Variants in CYFIP1 observed in about 807,000 individuals in gnomAD.
The protein encoded by CYFIP1 is cytoplasmic FMR1-interacting protein 1.
Under a neutral mutation model 163.5 loss-of-function variants are expected in CYFIP1, and 58 were observed. The ratio of observed to expected loss-of-function variants is 0.35; its 90% CI spans 0.29 to 0.44. CYFIP1 has a LOEUF of 0.44. Among genes scored for constraint, CYFIP1 ranks in the 20% least tolerant of loss-of-function variants. The pLI is 1.00. For synonymous variants in CYFIP1, 663 were observed against 660.7 expected (o/e 1.00, Z -0.05); for missense variants, 1,338 against 1,653.8 (o/e 0.81, Z 3.31).
intron 30 of CYFIP1, among the ~76,000 whole-genome samples, chr15:22,871,902 T>G (rs1230378210): frequency 6.6e-6 from 1 of 152,156 alleles, no homozygotes; most frequent in Non-Finnish European, 1.5e-5. Flanking sequence ...CAGCTGGGCC[T>G]GGCTGAACTC....
chr15:22,870,138 T>C lies in CYFIP1; in HGVS notation c.3652A>G (p.Ile1218Val), dbSNP rs2059386165. 1.2e-6 allele frequency: 2 copies of C among 1,612,864 alleles called. No homozygotes were observed. The highest frequency in any genetic ancestry group is 1.1e-5 in the South Asian group (1 of 90,756). The change falls in exon 31 of 31, where the codon ATC becomes GTC. Residue 1218 changes from isoleucine (I) to valine (V), a missense_variant. Physicochemically the swap from Ile to Val is conservative, Grantham distance 29. Coordinates refer to ENST00000617928, the MANE Select transcript of CYFIP1 (RefSeq NM_014608.6). The stretch of plus-strand genomic sequence containing the variant: ...AGGTACTTATCCAGGATGGTGATGA[T>C]CTCATCATTGAGAATCTGGAACTTG... ...IRKFQILNDE[I>V]ITILDKYLKS...
At chr15:22,908,663 G>C (rs140290947) in intron 21 of CYFIP1, among the ~76,000 whole-genome samples, 3,534 of 150,636 alleles carry the variant, frequency 0.023, 59 homozygotes, top group Middle Eastern at 0.071. Context: ...GGAGTAGCTC[G>C]GACTACAGGT....
chr15:22,965,583 C>T (rs1256441646), intron 1 of CYFIP1, among the ~76,000 whole-genome samples: 2 of 152,210 alleles, frequency 1.3e-5, no homozygotes, highest in Non-Finnish European at 2.9e-5. Flanking sequence ...TGTAAGTGCC[C>T]TTTATGATGC....
At chr15:22,956,559 G>A (rs946641624) in intron 1 of CYFIP1, among the ~76,000 whole-genome samples, 8 of 152,174 alleles carry the variant, frequency 5.3e-5, no homozygotes, top group Admixed American at 2.6e-4. Flanking sequence ...AGGCCCCGTG[G>A]GAAACCGGCC....
In CYFIP1 at chr15:22,873,505, G is replaced by C; in HGVS notation, c.3435C>G (p.His1145Gln). ...QFVYCIPVGT[H>Q]EFTVEQCFGD... ...CACACACTTACTCGACTGTGAACTC[G>C]TGTGTCCCCACGGGAATGCAGTAGA... The change falls in exon 29 of 31, where the codon CAC (histidine) becomes CAG (glutamine). Residue 1145 changes from histidine (H) to glutamine (Q), a missense_variant. Coordinates refer to ENST00000617928, the MANE Select transcript of CYFIP1 (RefSeq NM_014608.6). The C allele has an allele frequency of 6.2e-7, 1 of 1,613,508 alleles. No individual in the cohort carries two copies. Among genetic ancestry groups the C allele is most frequent in the Non-Finnish European group, 8.5e-7 (1 of 1,179,520 alleles).
chr15:22,975,235 G>A (rs557829955), intron 1 of CYFIP1, among the ~76,000 whole-genome samples: 71 of 152,028 alleles, frequency 4.7e-4, no homozygotes, highest in Non-Finnish European at 7.8e-4. Flanking sequence ...GGGAAGTCAC[G>A]TAGTTTTAAC....
intron 13 of CYFIP1, 28 bp from the exon 14 acceptor site, chr15:22,918,886 C>A (rs1474286045): frequency 1.9e-6 from 3 of 1,552,890 alleles, no homozygotes; most frequent in Non-Finnish European, 2.6e-6. Context: ...ACAGGGACGG[C>A]CCTTCTTAGG....
chr15:22,949,604 T>C (rs1049620832), intron 1 of CYFIP1, among the ~76,000 whole-genome samples: 1 of 152,186 alleles, frequency 6.6e-6, no homozygotes, highest in African/African-American at 2.4e-5. Context: ...CTAATGGGCC[T>C]TTCAGTGTAC....
chr15:22,896,499 C>T (rs191619747), intron 22 of CYFIP1, among the ~76,000 whole-genome samples: 1 of 151,908 alleles, frequency 6.6e-6, no homozygotes, highest in Admixed American at 6.6e-5. Flanking sequence ...TTTGCTGAGG[C>T]CCTTCTCGTT....
At chr15:22,905,555 C>T (rs938765001) in intron 21 of CYFIP1, 12 of 150,468 alleles carry the variant, frequency 8.0e-5, no homozygotes, top group Admixed American at 1.3e-4. Context: ...TCCCCTGCCT[C>T]AGCATCCCGA....
At chr15:22,956,944 CT>C (rs1396035867) in intron 1 of CYFIP1, among the ~76,000 whole-genome samples, 2 of 152,142 alleles carry the variant, frequency 1.3e-5, no homozygotes, top group Non-Finnish European at 2.9e-5. Flanking sequence ...CAAGAGGGAG[CT>C]TTTCACAGGG....
rs1311918403 is a variant in CYFIP1 at position 22,923,954 on chromosome 15, A to C, written c.1359+2028T>G. Among the ~76,000 whole-genome samples, 5 of 151,274 alleles carry C rather than the reference A, an allele frequency of 3.3e-5. No homozygotes were observed. The South Asian group carries it at 1.0e-3, about 31-fold the overall frequency. On this transcript the variant is annotated intron_variant, in intron 13 of 30. Coordinates refer to ENST00000617928, the MANE Select transcript of CYFIP1 (RefSeq NM_014608.6). ...GAGACCTTGTCTCCAAAAAAAAAAA[A>C]AAAAAAAAAAACAAGAAAAAGAAGT...
chr15:22,951,649 C>A lies in CYFIP1; in HGVS notation c.-6-4358G>T, dbSNP rs1280537448. 4 of 949,586 alleles carry A rather than the reference C, an allele frequency of 4.2e-6. No individual in the cohort carries two copies. The South Asian group carries it at 4.5e-5, about 11-fold the overall frequency. The allele number at this position is 949,586 out of a possible 1,614,324, so 58.8% of individuals were successfully genotyped here. A position where few individuals can be genotyped will look rare whatever the true frequency, so the allele number is the denominator to read the frequency against. ...CATGCCCGGGCCCCACGCGGGTCAA[C>A]AAGAAGACAGGTCGGACCGAGCACC... On this transcript the variant is annotated intron_variant, in intron 1 of 30. Transcript: ENST00000617928.
intron 1 of CYFIP1, among the ~76,000 whole-genome samples, chr15:22,958,891 T>C (rs2062577522): frequency 6.6e-6 from 1 of 152,172 alleles, no homozygotes; most frequent in Non-Finnish European, 1.5e-5. Flanking sequence ...GATGCTAAAA[T>C]AATTAATAAA....
intron 21 of CYFIP1, among the ~76,000 whole-genome samples, chr15:22,906,159 T>A (rs1230361058): frequency 1.3e-5 from 2 of 151,602 alleles, no homozygotes; most frequent in Non-Finnish European, 2.9e-5. Flanking sequence ...TAGGCTGGAG[T>A]GCAATGGTAC....
intron 30 of CYFIP1, chr15:22,872,624 G>A (rs2059469477): frequency 7.2e-6 from 4 of 557,900 alleles, no homozygotes; most frequent in Admixed American, 3.3e-5. Flanking sequence ...GAAGGAAAAC[G>A]GAACAATGAG....
At chr15:22,945,325 C>T (rs1355082222) in intron 3 of CYFIP1, among the ~76,000 whole-genome samples, 3 of 152,196 alleles carry the variant, frequency 2.0e-5, no homozygotes, top group Non-Finnish European at 4.4e-5. Context: ...CCATGGCCTC[C>T]TCACTGGCTC....
intron 22 of CYFIP1, among the ~76,000 whole-genome samples, chr15:22,895,857 G>A (rs1254231862): frequency 6.6e-6 from 1 of 152,208 alleles, no homozygotes; most frequent in East Asian, 1.9e-4. Context: ...AGTACCCTGA[G>A]GAGCGTCCCA....
At chr15:22,881,778 T>C (rs2059770038) in intron 25 of CYFIP1, 68 bp downstream of exon 25, 4 of 1,464,344 alleles carry the variant, frequency 2.7e-6, no homozygotes, top group African/African-American at 1.4e-5. Context: ...TTCTCAAGAA[T>C]TTCTGACTTG....
Sources: allele counts gnomAD v4.1 joint callset (sites outside exome capture counted in the v4.1 genomes callset), GRCh38; gene constraint gnomAD v4.1.1; transcripts MANE v1.5; gene names NCBI Gene and HGNC (gene_info 2026-07-23, HGNC 2026-07-21).